Variants in ARHGAP28 observed in about 807,000 individuals in gnomAD.
The protein encoded by ARHGAP28 is Rho GTPase activating protein 28.
Under a neutral mutation model 90.7 loss-of-function variants are expected in ARHGAP28, and 56 were observed. The ratio of observed to expected loss-of-function variants is 0.62; its 90% CI spans 0.50 to 0.77. The LOEUF (loss-of-function observed/expected upper bound fraction) is 0.77, where lower values mean the gene tolerates loss of function less well. Among genes scored for constraint, ARHGAP28 ranks in the 30% least tolerant of loss-of-function variants. The pLI is 0.00. For synonymous variants in ARHGAP28, 308 were observed against 323.3 expected (o/e 0.95, Z 0.51); for missense variants, 869 against 900.9 (o/e 0.96, Z 0.45).
At chr18:6,769,308 A>C (rs989489739) in intron 1 of ARHGAP28, among the ~76,000 whole-genome samples, 1 of 152,194 alleles carries the variant, frequency 6.6e-6, no homozygotes, top group Admixed American at 6.5e-5. Flanking sequence ...AAGGAATATA[A>C]GTCAGGGACA....
At chr18:6,764,883 G>A (rs1327968384) in intron 1 of ARHGAP28, among the ~76,000 whole-genome samples, 1 of 151,920 alleles carries the variant, frequency 6.6e-6, no homozygotes, top group Non-Finnish European at 1.5e-5. Flanking sequence ...TTTACAACGC[G>A]CTTAACCAAA....
chr18:6,848,041 C>T (rs2056880386), intron 3 of ARHGAP28, among the ~76,000 whole-genome samples: 1 of 152,124 alleles, frequency 6.6e-6, no homozygotes, highest in Non-Finnish European at 1.5e-5. Context: ...ATCATGTAGG[C>T]ACCCTCTACC....
chr18:6,794,156 A>G (rs531367304), intron 1 of ARHGAP28, among the ~76,000 whole-genome samples: 56 of 152,320 alleles, frequency 3.7e-4, no homozygotes, highest in African/African-American at 1.3e-3. Flanking sequence ...TCTGTTTTCT[A>G]CCACATACCC....
At chr18:6,890,188 T>C (rs1478953880) in intron 13 of ARHGAP28, 103 bp downstream of exon 13, 4 of 1,332,090 alleles carry the variant, frequency 3.0e-6, no homozygotes, top group South Asian at 2.6e-5. Context: ...GGAAGAAATA[T>C]GAGAAGATAA....
chr18:6,889,989 T>C lies in ARHGAP28; in HGVS notation c.1638T>C (p.Ser546=). The change falls in exon 13 of 18, where the codon AGT becomes AGC. Residue 546 remains serine, a synonymous_variant. Coordinates refer to ENST00000383472, the MANE Select transcript of ARHGAP28 (RefSeq NM_001366230.1). ...TGATGGCACCAAACCTTTTCTTCAGTAGAAGCAAACACTCTGATTATGAAG... is the reference window on the plus strand; with the variant it reads ...TGATGGCACCAAACCTTTTCTTCAGCAGAAGCAAACACTCTGATTATGAAG... ...STVMAPNLFF[S]RSKHSDYEEL... is the part of the protein sequence containing the mutation. The C allele has an allele frequency of 6.2e-7, 1 of 1,614,206 alleles. No homozygotes were observed. The highest frequency in any genetic ancestry group is 2.2e-5 in the East Asian group (1 of 44,884).
chr18:6,886,648 A>T (rs747451675), intron 11 of ARHGAP28, among the ~76,000 whole-genome samples: 5 of 152,260 alleles, frequency 3.3e-5, no homozygotes. Flanking sequence ...TGAGGTAGAT[A>T]CAATGACTAT....
chr18:6,827,935 T>G (rs2056685234), intron 2 of ARHGAP28, among the ~76,000 whole-genome samples: 1 of 151,670 alleles, frequency 6.6e-6, no homozygotes, highest in Admixed American at 6.6e-5. Context: ...CGCTCCTCAC[T>G]TCCCAGACGG....
chr18:6,908,900 C>A (rs2057378739), intron 16 of ARHGAP28, 60 bp from the exon 17 acceptor site: 11 of 978,888 alleles, frequency 1.1e-5, no homozygotes, highest in Non-Finnish European at 1.6e-5. Context: ...ATTTAACATG[C>A]ATTTTTACCT....
rs192174555 is a variant in ARHGAP28, at chr18:6,898,890, G to C, written c.2030+2264G>C. Among the ~76,000 whole-genome samples, 13 of 151,842 alleles carry C rather than the reference G, an allele frequency of 8.6e-5. No individual in the cohort carries two copies. In the East Asian group the frequency reaches 2.5e-3, roughly 29 times the overall value. ...GGACTTTGGGGAGTCAGGGGCAAAA[G>C]GGGGAAGAGGGTGAGGGATAAAAGA... On this transcript the variant is annotated intron_variant, in intron 16 of 17. Coordinates refer to ENST00000383472, the MANE Select transcript of ARHGAP28 (RefSeq NM_001366230.1).
intron 5 of ARHGAP28, among the ~76,000 whole-genome samples, chr18:6,864,646 G>A (rs1216159339): frequency 6.6e-6 from 1 of 151,786 alleles, no homozygotes; most frequent in Non-Finnish European, 1.5e-5. Flanking sequence ...ATAGTTGCCC[G>A]TATCAGCAAT....
At chr18:6,879,017 G>T (rs1600278977) in intron 10 of ARHGAP28, among the ~76,000 whole-genome samples, 2 of 152,158 alleles carry the variant, frequency 1.3e-5, no homozygotes, top group East Asian at 3.9e-4. Flanking sequence ...TGAACGGTCT[G>T]GCCTGGCTTT....
chr18:6,823,836 C>T (rs2056642430), intron 1 of ARHGAP28, among the ~76,000 whole-genome samples: 1 of 152,074 alleles, frequency 6.6e-6, no homozygotes, highest in Admixed American at 6.5e-5. Context: ...AAACTTCTGC[C>T]TTCCAGGTCA....
chr18:6,737,824 A>G (rs181981203), intron 1 of ARHGAP28, among the ~76,000 whole-genome samples: 4 of 152,308 alleles, frequency 2.6e-5, no homozygotes, highest in South Asian at 4.1e-4. Flanking sequence ...TTGTTTTTCT[A>G]TATATGCGTC....
At chr18:6,731,355 G>C (rs1359418671) in intron 1 of ARHGAP28, among the ~76,000 whole-genome samples, 1 of 151,672 alleles carries the variant, frequency 6.6e-6, no homozygotes, top group Admixed American at 6.6e-5. Context: ...TTTCTTAAAC[G>C]GTTCTAGTGT....
At chr18:6,828,689 C>A (rs774550289) in intron 2 of ARHGAP28, among the ~76,000 whole-genome samples, 19 of 152,098 alleles carry the variant, frequency 1.2e-4, no homozygotes, top group Admixed American at 9.2e-4. Context: ...AGTCTTTTAC[C>A]CATTGCTTGT....
chr18:6,836,703 C>T (rs539707292), intron 2 of ARHGAP28, among the ~76,000 whole-genome samples: 2 of 152,254 alleles, frequency 1.3e-5, no homozygotes, highest in Admixed American at 1.3e-4. Context: ...GATGCCAAGA[C>T]AACATAAAAC....
Position 6,890,030 on chromosome 18 carries a change from A to G in ARHGAP28, c.1679A>G (p.Asn560Ser), listed in dbSNP as rs765885648. The G allele has an allele frequency of 1.3e-5, 21 of 1,614,082 alleles. No homozygotes were observed. In the Admixed American group the frequency reaches 2.0e-4, roughly 15 times the overall value. ...HSDYEELLLA[N>S]TAAHIIRLML... ...GATTATGAAGAATTACTGTTAGCAA[A>G]CACTGCGGCCCACATCATCCGCCTA... Residue 560 changes from asparagine (N) to serine (S), a missense_variant, in exon 13 of 18, where the codon AAC becomes AGC. By Grantham distance (46) the Asn-to-Ser change is conservative (BLOSUM62 1). Transcript: ENST00000383472.
intron 2 of ARHGAP28, among the ~76,000 whole-genome samples, chr18:6,829,448 T>C (rs1003290736): frequency 7.9e-5 from 12 of 152,226 alleles, no homozygotes; most frequent in African/African-American, 2.9e-4. Flanking sequence ...TATTTTCAGG[T>C]TTGCTAACCT....
intron 14 of ARHGAP28, among the ~76,000 whole-genome samples, chr18:6,892,125 A>G (rs1431451876): frequency 6.6e-6 from 1 of 152,184 alleles, no homozygotes; most frequent in Non-Finnish European, 1.5e-5. Flanking sequence ...TAATTGAGAA[A>G]AAATCACATA....
Sources: gnomAD v4.1 joint callset for allele counts (sites outside exome capture counted in the v4.1 genomes callset) on GRCh38, gnomAD v4.1.1 for gene constraint, MANE v1.5 for transcripts, NCBI Gene and HGNC (gene_info 2026-07-23, HGNC 2026-07-21) for gene names.